The following MTMR6 variants were observed in gnomAD, a reference collection of about 807,000 sequenced individuals.
The protein encoded by MTMR6 is phosphatidylinositol-3,5-bisphosphate 3-phosphatase MTMR6.
A neutral mutation model predicts 80.1 loss-of-function variants in MTMR6; 47 were observed. The observed-to-expected ratio is 0.59, with a 90% confidence interval of 0.46 to 0.75. The LOEUF is 0.75. Among genes scored for constraint, MTMR6 ranks in the 30% least tolerant of loss-of-function variants. The pLI is 0.00. For missense variants in MTMR6, 629 were observed against 730.9 expected, an observed-to-expected ratio of 0.86 and a Z score of 1.61; for synonymous variants, 254 against 253.0, an observed-to-expected ratio of 1.00 and a Z score of -0.04.
At chr13:25,285,237 T>A (rs894574656) in intron 1 of MTMR6, among the ~76,000 whole-genome samples, 2 of 152,188 alleles carry the variant, frequency 1.3e-5, no homozygotes, top group Admixed American at 1.3e-4. Context: ...CAAAGATATA[T>A]ATTCATAATA....
chr13:25,276,182 C>T (rs1462233688), intron 1 of MTMR6, among the ~76,000 whole-genome samples: 2 of 152,104 alleles, frequency 1.3e-5, no homozygotes, highest in Non-Finnish European at 2.9e-5. Flanking sequence ...TCTCACCTGT[C>T]TTTTTGGGTG....
intron 1 of MTMR6, among the ~76,000 whole-genome samples, chr13:25,282,392 C>T (rs1957869555): frequency 6.6e-6 from 1 of 152,246 alleles, no homozygotes; most frequent in South Asian, 2.1e-4. Flanking sequence ...TTTATTGTTA[C>T]CTCTTCTCCA....
Position 25,248,733 on chromosome 13 carries a change from A to T in MTMR6, c.*499T>A, listed in dbSNP as rs1021286881. The stretch of plus-strand genomic sequence containing the variant: ...TGTAAAACTTAAGGGTAAAGAATCC[A>T]CTGGGAATTTAAGGCTTTCTTAGAA... On this transcript the variant is annotated 3_prime_UTR_variant, in exon 14 of 14. Coordinates refer to ENST00000381801, the MANE Select transcript of MTMR6 (RefSeq NM_004685.5). 1.0e-4 allele frequency: 16 copies of T among 153,220 alleles called. No homozygotes were observed. Among genetic ancestry groups the T allele is most frequent in the Admixed American group, 9.8e-4 (15 of 15,354 alleles). The allele number at this position is 153,220 out of a possible 1,614,324, so 9.5% of individuals were successfully genotyped here.
chr13:25,249,518 A>C (rs1957042774), intron 13 of MTMR6, 26 bp from the exon 14 acceptor site: 1 of 1,602,222 alleles, frequency 6.2e-7, no homozygotes, highest in African/African-American at 1.3e-5. Context: ...ATTTGAAAAA[A>C]TTACTAATTG....
chr13:25,273,173 C>T (rs964873900), intron 2 of MTMR6, among the ~76,000 whole-genome samples: 1 of 151,538 alleles, frequency 6.6e-6, no homozygotes, highest in African/African-American at 2.4e-5. Flanking sequence ...TGAGGATGTA[C>T]AACATTGTGT....
chr13:25,256,987 G>A (rs767615703), intron 9 of MTMR6, among the ~76,000 whole-genome samples: 6 of 152,172 alleles, frequency 3.9e-5, no homozygotes, highest in Non-Finnish European at 7.3e-5. Flanking sequence ...TTACAGGCCA[G>A]ATCAGTCTTT....
intron 5 of MTMR6, among the ~76,000 whole-genome samples, chr13:25,263,872 C>G (rs745674271): frequency 2.0e-5 from 3 of 151,976 alleles, no homozygotes; most frequent in Non-Finnish European, 4.4e-5. Context: ...GGAAACAAAG[C>G]GAGACCTTGT....
At chr13:25,272,055 C>A (rs1957591138) in intron 2 of MTMR6, among the ~76,000 whole-genome samples, 1 of 152,156 alleles carries the variant, frequency 6.6e-6, no homozygotes, top group African/African-American at 2.4e-5. Context: ...TATGACAGAG[C>A]TGGTACTAAA....
chr13:25,267,554 A>G (rs1200703841), intron 3 of MTMR6, among the ~76,000 whole-genome samples: 1 of 152,166 alleles, frequency 6.6e-6, no homozygotes, highest in Non-Finnish European at 1.5e-5. Flanking sequence ...CTCTACTATA[A>G]ATGCTTTACT....
chr13:25,264,775 A>AAAAAAAAAAAAAAG lies in MTMR6; in HGVS notation c.591+1043_591+1044insCTTTTTTTTTTTTT, dbSNP rs1491106020. Reference sequence around the variant, plus strand: ...TCTCAAAAAAAAAAAAAAAAAAAAAAGAAATTTCAGAACACTGGGGAAAAA... The same window carrying AAAAAAAAAAAAAAG: ...TCTCAAAAAAAAAAAAAAAAAAAAAAAAAAAAAAAAAAAGGAAATTTCAGAACACTGGGGAAAAA... On this transcript the variant is annotated intron_variant, in intron 5 of 13. Transcript: ENST00000381801. 2.5e-4 allele frequency among the ~76,000 whole-genome samples: 33 copies of AAAAAAAAAAAAAAG among 133,718 alleles called. 2 individuals carry two copies. In the East Asian group the frequency reaches 7.3e-3, roughly 29 times the overall value. 87.7% of individuals were successfully genotyped at this position (133,718 alleles called of 152,430 possible).
At chr13:25,257,343 A>G in intron 8 of MTMR6, 22 bp from the exon 9 acceptor site, 1 of 1,611,972 alleles carries the variant, frequency 6.2e-7, no homozygotes, top group Non-Finnish European at 8.5e-7. Flanking sequence ...GATCACATAC[A>G]TTCTAGCGTA....
chr13:25,258,534 G>A, intron 7 of MTMR6, 26 bp downstream of exon 7: 1 of 1,560,732 alleles, frequency 6.4e-7, no homozygotes, highest in Non-Finnish European at 8.6e-7. Context: ...GGACAAGGGT[G>A]TCTAAAAAAG....
chr13:25,254,253 A>G (rs1957145665), intron 10 of MTMR6, 132 bp downstream of exon 10: 2 of 734,394 alleles, frequency 2.7e-6, no homozygotes, highest in Non-Finnish European at 4.6e-6. Flanking sequence ...GTCTTTACGT[A>G]AAATACAGTA....
chr13:25,280,623 CCA>C (rs1369415334), intron 1 of MTMR6, among the ~76,000 whole-genome samples: 2 of 152,246 alleles, frequency 1.3e-5, no homozygotes, highest in Admixed American at 1.3e-4. Flanking sequence ...CAGATTTTCC[CCA>C]GTCTGTTCTT....
Position 25,260,329 on chromosome 13 carries a change from C to T in MTMR6, c.726+1339G>A, listed in dbSNP as rs190111727. Among the ~76,000 whole-genome samples the T allele has an allele frequency of 3.0e-4, 45 of 151,936 alleles. No homozygotes were observed. In the East Asian group the frequency reaches 5.2e-3, roughly 18 times the overall value. ...GATTACAGGCATTCACCACCATGCC[C>T]GGCTAATTATGTATTTTTAGTACAG... On this transcript the variant is annotated intron_variant, in intron 6 of 13. Coordinates refer to ENST00000381801, the MANE Select transcript of MTMR6 (RefSeq NM_004685.5).
chr13:25,266,128 C>T lies in MTMR6; in HGVS notation c.462+1G>A, dbSNP rs745469964. The stretch of plus-strand genomic sequence containing the variant: ...ATTTCTCCAAAATGTTGTTAAGGTA[C>T]CTTGTAGTCCCGGTTGGCATCAGAC... On this transcript the variant is annotated splice_donor_variant, in intron 4 of 13. Transcript: ENST00000381801. LOFTEE classifies it high-confidence loss of function. 3.1e-6 allele frequency: 5 copies of T among 1,613,382 alleles called. No homozygotes were observed. Among genetic ancestry groups the T allele is most frequent in the Non-Finnish European group, 4.2e-6 (5 of 1,179,784 alleles).
At position 25,264,775 on chromosome 13, in the gene MTMR6, A is replaced by AAAAAAAAG. The variant is rs1491106020; in HGVS notation, c.591+1043_591+1044insCTTTTTTT. Among the ~76,000 whole-genome samples the AAAAAAAAG allele has an allele frequency of 5.3e-4, 71 of 133,718 alleles. 4 individuals carry two copies. In the East Asian group the frequency reaches 0.011, roughly 21 times the overall value. The allele number at this position is 133,718 out of a possible 152,430, so 87.7% of individuals were successfully genotyped here. ...TCTCAAAAAAAAAAAAAAAAAAAAA[A>AAAAAAAAG]GAAATTTCAGAACACTGGGGAAAAA... On this transcript the variant is annotated intron_variant, in intron 5 of 13. Coordinates refer to ENST00000381801, the MANE Select transcript of MTMR6 (RefSeq NM_004685.5).
chr13:25,260,778 C>T, intron 6 of MTMR6: 1 of 534,636 alleles, frequency 1.9e-6, no homozygotes, highest in Non-Finnish European at 2.6e-6. Context: ...GGTTGTTTAA[C>T]TATGTTAATA....
At chr13:25,272,646 T>C (rs1311042079) in intron 2 of MTMR6, among the ~76,000 whole-genome samples, 1 of 152,194 alleles carries the variant, frequency 6.6e-6, no homozygotes, top group Non-Finnish European at 1.5e-5. Flanking sequence ...CCCATCTTTG[T>C]GCTCGTATGT....
Sources: allele counts gnomAD v4.1 joint callset (sites outside exome capture counted in the v4.1 genomes callset), GRCh38; gene constraint gnomAD v4.1.1; transcripts MANE v1.5; gene names NCBI Gene and HGNC (gene_info 2026-07-23, HGNC 2026-07-21).